The following CCKBR variants were observed in gnomAD, a reference collection of about 807,000 sequenced individuals.
CCKBR encodes cholecystokinin B receptor.
In CCKBR, 33 loss-of-function variants were observed where a neutral mutation model predicts 34.6. The ratio of observed to expected loss-of-function variants is 0.95; its 90% CI spans 0.72 to 1.27. CCKBR has a LOEUF of 1.27. Among genes scored for constraint, CCKBR ranks in the 50% most tolerant of loss-of-function variants. CCKBR has a pLI of 0.00. For missense variants in CCKBR, 652 were observed against 617.4 expected, an observed-to-expected ratio of 1.06 and a Z score of -0.59; for synonymous variants, 269 against 267.5, an observed-to-expected ratio of 1.01 and a Z score of -0.06.
intron 3 of CCKBR, 98 bp downstream of exon 3, chr11:6,270,435 T>C: frequency 6.7e-7 from 1 of 1,481,602 alleles, no homozygotes. Flanking sequence ...CCCGGAGAAT[T>C]ACCACGCCAA....
Position 6,272,121 on chromosome 11 carries a change from T to C in CCKBR, c.*578T>C, listed in dbSNP as rs1848328987. On this transcript the variant is annotated 3_prime_UTR_variant, in exon 5 of 5. Coordinates refer to ENST00000334619, the MANE Select transcript of CCKBR (RefSeq NM_176875.4). ...AGAAATAATAAATTGTTTGGCTTCC[T>C]CCTGAACTTCCTTTCTGGATTCTTC... 6.5e-6 allele frequency: 1 copy of C among 152,792 alleles called. No homozygotes were observed. The highest frequency in any genetic ancestry group is 1.5e-5 in the Non-Finnish European group (1 of 68,150). The allele number at this position is 152,792 out of a possible 1,614,324, so 9.5% of individuals were successfully genotyped here.
At chr11:6,265,986 A>C (rs547004556) in intron 1 of CCKBR, among the ~76,000 whole-genome samples, 3 of 152,276 alleles carry the variant, frequency 2.0e-5, no homozygotes, top group African/African-American at 7.2e-5. Flanking sequence ...AAGATTCATT[A>C]ACAAGCATGT....
rs1020693419 is a variant in CCKBR at position 6,271,714 on chromosome 11, C to T, written c.*171C>T. 3.0e-6 allele frequency: 2 copies of T among 661,428 alleles called. No individual in the cohort carries two copies. Among genetic ancestry groups the T allele is most frequent in the Non-Finnish European group, 5.0e-6 (2 of 397,622 alleles). 41.0% of individuals were successfully genotyped at this position (661,428 alleles called of 1,614,324 possible). On this transcript the variant is annotated 3_prime_UTR_variant, in exon 5 of 5. Transcript: ENST00000334619. ...TGACACAAGAGGAATAAGAATGGAG[C>T]AGTACATGGGAAAGGAGGCATGCCT...
At position 6,270,633 on chromosome 11, in the gene CCKBR, G is replaced by C; in HGVS notation, c.654-13G>C. Reference sequence around the variant, plus strand: ...GGACAGAAACCCGAGTGATCTGTCTGTGTTGCCTTCAGGTCCGTACTGCTG... The same window carrying C: ...GGACAGAAACCCGAGTGATCTGTCTCTGTTGCCTTCAGGTCCGTACTGCTG... On this transcript the variant is annotated splice_polypyrimidine_tract_variant and intron_variant, in intron 3 of 4. Transcript: ENST00000334619. 1 of 1,591,052 alleles carries C rather than the reference G, an allele frequency of 6.3e-7. No individual in the cohort carries two copies. The highest frequency in any genetic ancestry group is 1.1e-5 in the South Asian group (1 of 88,926).
In CCKBR at chr11:6,271,383, G is replaced by A. The variant is rs200480495; in HGVS notation, c.1184G>A (p.Arg395His). 1.9e-6 allele frequency: 3 copies of A among 1,614,046 alleles called. No individual in the cohort carries two copies. The highest frequency in any genetic ancestry group is 1.7e-5 in the Admixed American group (1 of 60,022). Residue 395 changes from arginine to histidine, a missense_variant, in exon 5 of 5, where the codon CGT becomes CAT. Physicochemically the swap from Arg to His is conservative, Grantham distance 29. Transcript: ENST00000334619. Reference protein sequence around the residue: ...VNPLVYCFMHRRFRQACLETC... With the variant: ...VNPLVYCFMHHRFRQACLETC... ...CCCCTGGTCTACTGCTTCATGCACC[G>A]TCGCTTTCGCCAGGCCTGCCTGGAA... is the stretch of plus-strand genomic sequence containing the variant.
At chr11:6,263,926 A>AAGG in intron 1 of CCKBR, among the ~76,000 whole-genome samples, 1 of 152,228 alleles carries the variant, frequency 6.6e-6, no homozygotes, top group African/African-American at 2.4e-5. Flanking sequence ...AATGTAATCT[A>AAGG]TGCTTCCTGA....
chr11:6,270,130 C>T lies in CCKBR; in HGVS notation c.446C>T (p.Ala149Val), dbSNP rs1564888216. 2 of 1,612,546 alleles carry T rather than the reference C, an allele frequency of 1.2e-6. No individual in the cohort carries two copies. The highest frequency in any genetic ancestry group is 1.1e-5 in the South Asian group (1 of 90,992). The change falls in exon 3 of 5, where the codon GCA becomes GTA. Residue 149 changes from alanine (A) to valine (V), a missense_variant. By Grantham distance (64) the Ala-to-Val change is moderately conservative. Transcript: ENST00000334619. ...TCCACGCTAAGCCTCGTGGCCATCG[C>T]ACTGGAGCGGTACAGCGCCATCTGC... ...SVSTLSLVAIALERYSAICRP... is the reference protein window; with the variant it reads ...SVSTLSLVAIVLERYSAICRP...
chr11:6,267,073 T>C lies in CCKBR; in HGVS notation c.152-2596T>C, dbSNP rs571473403. Among the ~76,000 whole-genome samples the C allele has an allele frequency of 2.0e-5, 3 of 152,174 alleles. No homozygotes were observed. The East Asian group carries it at 5.8e-4, about 29-fold the overall frequency. Reference sequence around the variant, plus strand: ...GTACCGTTAATGGAACTTGCAGGAGTAGATGTTGCTCTGGCTAAGTCAGTG... The same window carrying C: ...GTACCGTTAATGGAACTTGCAGGAGCAGATGTTGCTCTGGCTAAGTCAGTG... On this transcript the variant is annotated intron_variant, in intron 1 of 4. Transcript: ENST00000334619.
chr11:6,263,543 C>G (rs1009710958), intron 1 of CCKBR, among the ~76,000 whole-genome samples: 1 of 149,290 alleles, frequency 6.7e-6, no homozygotes, highest in African/African-American at 2.5e-5. Context: ...GATCATGGCT[C>G]ATTGCAGTCT....
chr11:6,269,838 C>T lies in CCKBR; in HGVS notation c.321C>T (p.Cys107=). 6.2e-7 allele frequency: 1 copy of T among 1,614,148 alleles called. No homozygotes were observed. The highest frequency in any genetic ancestry group is 8.5e-7 in the Non-Finnish European group (1 of 1,180,014). Residue 107 remains cysteine (C), a synonymous_variant, in exon 2 of 5, where the codon TGC becomes TGT. Transcript: ENST00000334619. ...GCGACCTCCTGCTGGCTGTGGCTTG[C>T]ATGCCCTTCACCCTCCTGCCCAATC... is the stretch of plus-strand genomic sequence containing the variant. ...AVSDLLLAVA[C]MPFTLLPNLM...
rs539968147 is a variant in CCKBR, at chr11:6,270,502, C to A, written c.654-144C>A. On this transcript the variant is annotated intron_variant, in intron 3 of 4. Transcript: ENST00000334619. Reference sequence around the variant, plus strand: ...CAGTTTGGGGCCCCTCCCCAGTTCTCTCTCCCTTCCCAGCGGCACCCCCAA... The same window carrying A: ...CAGTTTGGGGCCCCTCCCCAGTTCTATCTCCCTTCCCAGCGGCACCCCCAA... 44 of 1,341,900 alleles carry A rather than the reference C, an allele frequency of 3.3e-5. No individual in the cohort carries two copies. The East Asian group carries it at 1.0e-3, about 30-fold the overall frequency. 83.1% of individuals were successfully genotyped at this position (1,341,900 alleles called of 1,614,324 possible). A position where few individuals can be genotyped will look rare whatever the true frequency, so the allele number is the denominator to read the frequency against.
chr11:6,263,531 A>G (rs892606746), intron 1 of CCKBR, among the ~76,000 whole-genome samples: 1 of 146,990 alleles, frequency 6.8e-6, no homozygotes, highest in East Asian at 2.0e-4. Flanking sequence ...GTGCAGTAGC[A>G]TGATCATGGC....
chr11:6,262,796 G>T (rs1848156498), intron 1 of CCKBR, among the ~76,000 whole-genome samples: 1 of 152,050 alleles, frequency 6.6e-6, no homozygotes, highest in Admixed American at 6.6e-5. Flanking sequence ...GCATAGGTTT[G>T]TTACGTGTGT....
intron 1 of CCKBR, among the ~76,000 whole-genome samples, chr11:6,261,462 T>TATATATATATATATACAC (rs764173521): frequency 1.6e-4 from 10 of 64,004 alleles, no homozygotes; most frequent in African/African-American, 6.0e-4. Context: ...AAAATATATA[T>TATATATATATATATACAC]ACACACACAC....
At position 6,271,072 on chromosome 11, in the gene CCKBR, T is replaced by C. The variant is rs1848300065; in HGVS notation, c.873T>C (p.Asp291=). ...CTGGCGCGGTTGGCGAAGACAGCGA[T>C]GGCTGCTACGTGCAACTTCCACGTT... ...PETGAVGEDS[D]GCYVQLPRSR... The change falls in exon 5 of 5, where the codon GAT becomes GAC. Residue 291 remains aspartate (D), a synonymous_variant. Coordinates refer to ENST00000334619, the MANE Select transcript of CCKBR (RefSeq NM_176875.4). 1 of 1,614,158 alleles carries C rather than the reference T, an allele frequency of 6.2e-7. No individual in the cohort carries two copies. The highest frequency in any genetic ancestry group is 1.3e-5 in the African/African-American group (1 of 75,048).
At position 6,269,743 on chromosome 11, in the gene CCKBR, A is replaced by C. The variant is rs138693892; in HGVS notation, c.226A>C (p.Ile76Leu). ...GAGCGTTGGAGGAAATATGCTCATC[A>C]TCGTGGTCCTGGGACTGAGCCGCCG... ...LMSVGGNMLI[I>L]VVLGLSRRLR... Residue 76 changes from isoleucine to leucine, a missense_variant, in exon 2 of 5, where the codon ATC becomes CTC. Coordinates refer to ENST00000334619, the MANE Select transcript of CCKBR (RefSeq NM_176875.4). 1.9e-6 allele frequency: 3 copies of C among 1,614,180 alleles called. No homozygotes were observed. Among genetic ancestry groups the C allele is most frequent in the East Asian group, 2.2e-5 (1 of 44,876 alleles).
chr11:6,262,165 G>C (rs1282490621), intron 1 of CCKBR, among the ~76,000 whole-genome samples: 1 of 152,196 alleles, frequency 6.6e-6, no homozygotes, highest in Non-Finnish European at 1.5e-5. Context: ...ATCCAGGTGA[G>C]GTTACCTAGT....
chr11:6,260,189 G>A, intron 1 of CCKBR, 110 bp downstream of exon 1: 2 of 734,388 alleles, frequency 2.7e-6, no homozygotes, highest in South Asian at 3.6e-5. Context: ...TCCACACCGT[G>A]CCTCTCATAG....
chr11:6,271,660 C>T lies in CCKBR; in HGVS notation c.*117C>T. ...AACCAACACCCAAAGCATGGACTAACCCCAACGCACAGGAAAAGGTAGCTT... is the reference window on the plus strand; with the variant it reads ...AACCAACACCCAAAGCATGGACTAATCCCAACGCACAGGAAAAGGTAGCTT... On this transcript the variant is annotated 3_prime_UTR_variant, in exon 5 of 5. Coordinates refer to ENST00000334619, the MANE Select transcript of CCKBR (RefSeq NM_176875.4). 9.9e-7 allele frequency: 1 copy of T among 1,009,030 alleles called. No individual in the cohort carries two copies. The highest frequency in any genetic ancestry group is 2.6e-5 in the East Asian group (1 of 38,222). 62.5% of individuals were successfully genotyped at this position (1,009,030 alleles called of 1,614,324 possible).
Sources: allele counts gnomAD v4.1 joint callset (sites outside exome capture counted in the v4.1 genomes callset), GRCh38; gene constraint gnomAD v4.1.1; transcripts MANE v1.5; gene names NCBI Gene and HGNC (gene_info 2026-07-23, HGNC 2026-07-21).